The following PVT1 variants were observed in gnomAD, a reference collection of about 807,000 sequenced individuals.
PVT1 encodes the protein Pvt1 oncogene.
intron 5 of PVT1, among the ~76,000 whole-genome samples, chr8:128,092,463 G>A (rs751419387): frequency 8.5e-5 from 13 of 152,090 alleles, no homozygotes; most frequent in Non-Finnish European, 1.3e-4. Context: ...TGGCAGCCCC[G>A]GCACCCTGGC....
At chr8:127,966,974 G>A (rs1249565492) in intron 3 of PVT1, among the ~76,000 whole-genome samples, 1 of 152,280 alleles carries the variant, frequency 6.6e-6, no homozygotes, top group African/African-American at 2.4e-5. Context: ...TGCTGGCTGA[G>A]ATGGGTCCTG....
chr8:127,859,411 C>T (rs997975507), intron 2 of PVT1, among the ~76,000 whole-genome samples: 1 of 152,044 alleles, frequency 6.6e-6, no homozygotes, highest in East Asian at 1.9e-4. Flanking sequence ...CATATTACGC[C>T]GTGGCTGACT....
At chr8:127,965,547 T>C (rs1816694108) in intron 3 of PVT1, among the ~76,000 whole-genome samples, 1 of 152,052 alleles carries the variant, frequency 6.6e-6, no homozygotes, top group Admixed American at 6.5e-5. Context: ...AAGACACAGC[T>C]CTGTTCACCC....
At chr8:127,918,804 G>A (rs75536816) in intron 3 of PVT1, among the ~76,000 whole-genome samples, 6 of 152,242 alleles carry the variant, frequency 3.9e-5, no homozygotes, top group East Asian at 1.9e-4. Context: ...GCCTTGAGTC[G>A]CTGCATTCTT....
intron 2 of PVT1, among the ~76,000 whole-genome samples, chr8:127,864,541 C>T (rs1815265543): frequency 6.6e-6 from 1 of 151,958 alleles, no homozygotes; most frequent in South Asian, 2.1e-4. Context: ...TTGAATGTGG[C>T]AGGATATTTC....
chr8:128,101,171 A>G (rs1346698817), intron 6 of PVT1: 2 of 151,712 alleles, frequency 1.3e-5, no homozygotes, highest in Non-Finnish European at 2.9e-5. Flanking sequence ...TCCCTAACCT[A>G]TGAGCTTTGA....
intron 2 of PVT1, among the ~76,000 whole-genome samples, chr8:127,813,527 C>T (rs1814625033): frequency 6.6e-6 from 1 of 152,116 alleles, no homozygotes; most frequent in Admixed American, 6.6e-5. Flanking sequence ...GTCAGGGATT[C>T]TCCTACTGTC....
chr8:128,016,176 A>G (rs1817371938), intron 4 of PVT1, among the ~76,000 whole-genome samples: 1 of 151,824 alleles, frequency 6.6e-6, no homozygotes, highest in Non-Finnish European at 1.5e-5. Flanking sequence ...TACTTAAGAG[A>G]CTGAATAGGA....
intron 4 of PVT1, among the ~76,000 whole-genome samples, chr8:128,035,267 G>A (rs1041568217): frequency 4.0e-4 from 61 of 152,204 alleles, no homozygotes; most frequent in Admixed American, 4.0e-3. Context: ...TGCAATAGCT[G>A]TGGGAACACA....
chr8:127,904,398 G>A (rs1815795393), intron 3 of PVT1, among the ~76,000 whole-genome samples: 1 of 81,116 alleles, frequency 1.2e-5, no homozygotes, highest in Non-Finnish European at 2.6e-5. Context: ...GCCCTGCTGT[G>A]CAGCACTTTC....
At chr8:127,910,079 G>A (rs1815873119) in intron 3 of PVT1, among the ~76,000 whole-genome samples, 1 of 152,050 alleles carries the variant, frequency 6.6e-6, no homozygotes, top group African/African-American at 2.4e-5. Context: ...GCAGGGAAGG[G>A]CCTCTGCACA....
chr8:127,843,587 C>T (rs1330821075), intron 2 of PVT1, among the ~76,000 whole-genome samples: 5 of 151,872 alleles, frequency 3.3e-5, no homozygotes, highest in East Asian at 3.9e-4. Flanking sequence ...GGACTACAGG[C>T]GCCCGCCACC....
chr8:128,045,124 A>T (rs1813595835), intron 4 of PVT1, among the ~76,000 whole-genome samples: 1 of 152,142 alleles, frequency 6.6e-6, no homozygotes, highest in African/African-American at 2.4e-5. Flanking sequence ...AACATATCCT[A>T]TCTTAACGTC....
At chr8:127,875,985 C>T (rs889342865) in intron 2 of PVT1, among the ~76,000 whole-genome samples, 18 of 152,220 alleles carry the variant, frequency 1.2e-4, no homozygotes, top group African/African-American at 4.1e-4. Flanking sequence ...AGTTCTGTGG[C>T]ACCCCTGCCT....
intron 3 of PVT1, among the ~76,000 whole-genome samples, chr8:127,952,327 C>G (rs761652074): frequency 1.1e-4 from 17 of 152,144 alleles, no homozygotes; most frequent in Non-Finnish European, 2.1e-4. Flanking sequence ...GCTGGAGGAA[C>G]CTGTTAAACT....
rs542795736 is a variant in PVT1, at chr8:128,083,530, G to T, written n.1115-12988G>T. ...GAGAACGTTGGCTTGCAAAGGAGAG[G>T]CTGTGACTACCAAGTCGTGTCAACA... is the stretch of plus-strand genomic sequence containing the variant. On this transcript the variant is annotated intron_variant and non_coding_transcript_variant, in intron 5 of 10. Transcript: ENST00000651587. 4.1e-4 allele frequency among the ~76,000 whole-genome samples: 63 copies of T among 152,356 alleles called. 2 individuals carry two copies. The highest frequency in any genetic ancestry group is 3.9e-4 in the Admixed American group (6 of 15,302).
chr8:127,923,009 T>C (rs16902473), intron 3 of PVT1, among the ~76,000 whole-genome samples: 6,035 of 152,334 alleles, frequency 0.04, 410 homozygotes, highest in African/African-American at 0.14. Context: ...TTTTGGGCAG[T>C]GCTCACCCTA....
At chr8:127,814,337 C>T (rs1814635458) in intron 2 of PVT1, among the ~76,000 whole-genome samples, 1 of 152,190 alleles carries the variant, frequency 6.6e-6, no homozygotes, top group Admixed American at 6.5e-5. Context: ...ACGCGTCAGC[C>T]GGGGAGGGTT....
chr8:128,098,976 CT>C (rs1276352117), intron 6 of PVT1, among the ~76,000 whole-genome samples: 1 of 152,198 alleles, frequency 6.6e-6, no homozygotes, highest in Non-Finnish European at 1.5e-5. Context: ...CTTTTCTGGA[CT>C]TTTCCCATTA....
Sources: allele counts gnomAD v4.1 joint callset (sites outside exome capture counted in the v4.1 genomes callset), GRCh38; gene constraint gnomAD v4.1.1; transcripts MANE v1.5; gene names NCBI Gene and HGNC (gene_info 2026-07-23, HGNC 2026-07-21).